The following GRM8 variants were observed in gnomAD, a reference collection of about 807,000 sequenced individuals.
GRM8 encodes glutamate metabotropic receptor 8.
Under a neutral mutation model 87.2 loss-of-function variants are expected in GRM8, and 47 were observed. That is an observed-to-expected ratio of 0.54 (90% CI 0.43 to 0.69). GRM8 has a LOEUF of 0.69. GRM8 is among the 30% of genes least tolerant of loss of function. The pLI is 0.00. For missense variants in GRM8, 1,019 were observed against 1,139.2 expected, an observed-to-expected ratio of 0.89 and a Z score of 1.52; for synonymous variants, 396 against 404.5, an observed-to-expected ratio of 0.98 and a Z score of 0.25.
intron 8 of GRM8, among the ~76,000 whole-genome samples, chr7:126,608,494 G>A (rs1049880615): frequency 2.6e-5 from 4 of 152,132 alleles, no homozygotes; most frequent in Non-Finnish European, 5.9e-5. Context: ...ACTTGCTTCC[G>A]GCTGGGCTCT....
At position 126,954,468 on chromosome 7, in the gene GRM8, G is replaced by A. The variant is rs17865026; in HGVS notation, c.728-49785C>T. Among the ~76,000 whole-genome samples, 1,431 of 152,220 alleles carry A rather than the reference G, an allele frequency of 9.4e-3. 27 individuals carry two copies. The highest frequency in any genetic ancestry group is 0.033 in the African/African-American group (1,357 of 41,542). On this transcript the variant is annotated intron_variant, in intron 3 of 10. Transcript: ENST00000339582. ...AATATAGGGTGTCCATGTCCCAGGC[G>A]ATATTTGGGACATACTTATACTAAA... is the stretch of plus-strand genomic sequence containing the variant.
chr7:126,784,038 T>C (rs1209377797), intron 6 of GRM8, among the ~76,000 whole-genome samples: 3 of 152,196 alleles, frequency 2.0e-5, no homozygotes, highest in African/African-American at 7.2e-5. Flanking sequence ...GAAAATAATC[T>C]AATATAAAAT....
chr7:126,613,282 C>T lies in GRM8; in HGVS notation c.1358-3784G>A, dbSNP rs1049754420. On this transcript the variant is annotated intron_variant, in intron 7 of 10. Coordinates refer to ENST00000339582, the MANE Select transcript of GRM8 (RefSeq NM_000845.3). ...CACTCTGAGAAACAGAATTAAGTGGCGAATTTTTTTTTTGTCCACAAAAAA... is the reference window on the plus strand; with the variant it reads ...CACTCTGAGAAACAGAATTAAGTGGTGAATTTTTTTTTTGTCCACAAAAAA... 1.1e-4 allele frequency among the ~76,000 whole-genome samples: 12 copies of T among 110,524 alleles called. No homozygotes were observed. The East Asian group carries it at 2.8e-3, about 26-fold the overall frequency. The allele number at this position is 110,524 out of a possible 152,430, so 72.5% of individuals were successfully genotyped here.
At chr7:126,490,908 G>A (rs996252616) in intron 9 of GRM8, among the ~76,000 whole-genome samples, 1 of 152,032 alleles carries the variant, frequency 6.6e-6, no homozygotes, top group Non-Finnish European at 1.5e-5. Context: ...TAAGTAATAT[G>A]TCCAAGGCAT....
At chr7:126,799,692 G>A (rs1351926557) in intron 6 of GRM8, among the ~76,000 whole-genome samples, 1 of 152,092 alleles carries the variant, frequency 6.6e-6, no homozygotes, top group East Asian at 1.9e-4. Context: ...ATTAGTAACC[G>A]AAGTACTGCT....
chr7:126,802,499 C>T (rs1042855870), intron 6 of GRM8, among the ~76,000 whole-genome samples: 3 of 151,864 alleles, frequency 2.0e-5, no homozygotes, highest in Non-Finnish European at 4.4e-5. Context: ...ATAAAGAAAA[C>T]GTGGCATATA....
intron 6 of GRM8, among the ~76,000 whole-genome samples, chr7:126,875,675 A>T (rs2130938589): frequency 6.6e-6 from 1 of 152,188 alleles, no homozygotes; most frequent in Non-Finnish European, 1.5e-5. Context: ...ACAATAAATC[A>T]CCAACTATTT....
intron 6 of GRM8, among the ~76,000 whole-genome samples, chr7:126,819,123 A>T (rs540104961): frequency 6.6e-6 from 1 of 152,116 alleles, no homozygotes; most frequent in East Asian, 1.9e-4. Context: ...TGAACAGGAG[A>T]TCTGTCTTCC....
At chr7:126,920,636 C>G (rs916551280) in intron 3 of GRM8, among the ~76,000 whole-genome samples, 1 of 152,118 alleles carries the variant, frequency 6.6e-6, no homozygotes, top group Non-Finnish European at 1.5e-5. Flanking sequence ...AAAGTCCCTT[C>G]CCTCAACTCC....
chr7:126,994,460 G>A (rs1196222019), intron 3 of GRM8, among the ~76,000 whole-genome samples: 1 of 152,148 alleles, frequency 6.6e-6, no homozygotes, highest in Non-Finnish European at 1.5e-5. Flanking sequence ...TCCAGGAATA[G>A]GCTATTGGAT....
At chr7:126,499,674 C>A (rs893261594) in intron 9 of GRM8, among the ~76,000 whole-genome samples, 10 of 151,764 alleles carry the variant, frequency 6.6e-5, no homozygotes, top group African/African-American at 2.4e-4. Flanking sequence ...TTAAATGAGC[C>A]AGGCACAGAG....
At chr7:127,211,530 A>G (rs181561359) in intron 2 of GRM8, among the ~76,000 whole-genome samples, 9 of 152,238 alleles carry the variant, frequency 5.9e-5, no homozygotes, top group Non-Finnish European at 1.3e-4. Flanking sequence ...TCACAGATAC[A>G]CCAAGGAACA....
rs1563305121 is a variant in GRM8, at chr7:126,907,240, T to TGGAGGAGGAGGAGTAAGAGAAAGGA, written c.728-2582_728-2558dup. Among the ~76,000 whole-genome samples, 121 of 103,844 alleles carry TGGAGGAGGAGGAGTAAGAGAAAGGA rather than the reference T, an allele frequency of 1.2e-3. 1 individual carries two copies. The highest frequency in any genetic ancestry group is 4.6e-3 in the African/African-American group (119 of 25,634). The allele number at this position is 103,844 out of a possible 152,430, so 68.1% of individuals were successfully genotyped here. On this transcript the variant is annotated intron_variant, in intron 3 of 10. Coordinates refer to ENST00000339582, the MANE Select transcript of GRM8 (RefSeq NM_000845.3). ...GAGATGGAGGAGGAGGAGGAAGAGA[T>TGGAGGAGGAGGAGTAAGAGAAAGGA]GGAGGAGGAGGAGTAAGAGAAAGGA... is the stretch of plus-strand genomic sequence containing the variant.
intron 6 of GRM8, among the ~76,000 whole-genome samples, chr7:126,843,040 T>C (rs1290971293): frequency 1.3e-5 from 2 of 152,116 alleles, no homozygotes; most frequent in South Asian, 2.1e-4. Flanking sequence ...TCAAACATGA[T>C]AAAAATGATA....
chr7:126,959,466 C>T (rs2131669982), intron 3 of GRM8, among the ~76,000 whole-genome samples: 1 of 152,132 alleles, frequency 6.6e-6, no homozygotes, highest in Non-Finnish European at 1.5e-5. Flanking sequence ...TAACACTGTA[C>T]AGGGTTTAGA....
intron 8 of GRM8, among the ~76,000 whole-genome samples, chr7:126,575,419 T>TATA (rs912906943): frequency 1.3e-5 from 2 of 151,920 alleles, no homozygotes; most frequent in Admixed American, 1.3e-4. Flanking sequence ...TACAATGTAT[T>TATA]ATAATAATAA....
intron 2 of GRM8, among the ~76,000 whole-genome samples, chr7:127,232,212 T>TGTGTGTGA (rs1491132484): frequency 4.2e-5 from 6 of 143,564 alleles, no homozygotes; most frequent in African/African-American, 1.1e-4. Context: ...TGTGTGTGTG[T>TGTGTGTGA]GAGAGAGAGA....
chr7:126,474,295 G>T (rs1476038379), intron 9 of GRM8, among the ~76,000 whole-genome samples: 2 of 152,028 alleles, frequency 1.3e-5, no homozygotes, highest in African/African-American at 4.8e-5. Context: ...TGGAGACAGG[G>T]TCTCACTCTG....
intron 6 of GRM8, chr7:126,869,961 A>T (rs1023894047): frequency 5.6e-5 from 8 of 143,466 alleles, no homozygotes; most frequent in Non-Finnish European, 9.0e-5. Flanking sequence ...AAAAAAAAAA[A>T]GTCCTAGATG....
Sources: allele counts gnomAD v4.1 joint callset (sites outside exome capture counted in the v4.1 genomes callset), GRCh38; gene constraint gnomAD v4.1.1; transcripts MANE v1.5; gene names NCBI Gene and HGNC (gene_info 2026-07-23, HGNC 2026-07-21).